The following FOXR1 variants were observed in gnomAD, a reference collection of about 807,000 sequenced individuals.
The protein encoded by FOXR1 is forkhead box protein R1.
Under a neutral mutation model 34.5 loss-of-function variants are expected in FOXR1, and 25 were observed. That is an observed-to-expected ratio of 0.72 (90% CI 0.53 to 1.01). The LOEUF (loss-of-function observed/expected upper bound fraction) is 1.01, where lower values mean the gene tolerates loss of function less well. Ranked by LOEUF, FOXR1 falls within the 50% of genes least tolerant of loss-of-function variation. FOXR1 has a pLI of 0.00. For synonymous variants in FOXR1, 153 were observed against 141.6 expected (o/e 1.08, Z -0.57); for missense variants, 373 against 376.2 (o/e 0.99, Z 0.07).
At chr11:118,973,290 C>T (rs952123998) in intron 1 of FOXR1, among the ~76,000 whole-genome samples, 17 of 152,014 alleles carry the variant, frequency 1.1e-4, no homozygotes, top group African/African-American at 3.6e-4. Context: ...ACAGATAATC[C>T]ACAGAAGTAT....
In FOXR1 at chr11:118,980,641, G is replaced by C. The variant is rs782102014; in HGVS notation, c.763G>C (p.Glu255Gln). 1.2e-6 allele frequency: 2 copies of C among 1,614,028 alleles called. No individual in the cohort carries two copies. Among genetic ancestry groups the C allele is most frequent in the South Asian group, 2.2e-5 (2 of 91,094 alleles). The change falls in exon 5 of 6, where the codon GAG becomes CAG. Residue 255 changes from glutamate (E) to glutamine (Q), a missense_variant. By Grantham distance (29) the Glu-to-Gln change is conservative (BLOSUM62 2). Transcript: ENST00000317011. Reference sequence around the variant, plus strand: ...TCGATCTTGCCTCTGGAAGTTGACCGAGGAGGGACACCGCCGCTTTGCGGA... The same window carrying C: ...TCGATCTTGCCTCTGGAAGTTGACCCAGGAGGGACACCGCCGCTTTGCGGA... ...RPRSCLWKLT[E>Q]EGHRRFAEEA... is the part of the protein sequence containing the mutation.
At chr11:118,980,094 C>A in intron 4 of FOXR1, 1 of 449,496 alleles carries the variant, frequency 2.2e-6, no homozygotes, top group Non-Finnish European at 4.3e-6. Flanking sequence ...TTCCATTTAG[C>A]TCAGATAGTC....
chr11:118,979,164 C>T lies in FOXR1; in HGVS notation c.344C>T (p.Pro115Leu), dbSNP rs572984762. The T allele has an allele frequency of 2.6e-6, 4 of 1,552,024 alleles. No individual in the cohort carries two copies. Among genetic ancestry groups the T allele is most frequent in the African/African-American group, 1.4e-5 (1 of 72,668 alleles). The change falls in exon 3 of 6, where the codon CCC becomes CTC. Residue 115 changes from proline (P) to leucine (L), a missense_variant. Physicochemically the swap from Pro to Leu is moderately conservative, Grantham distance 98. Coordinates refer to ENST00000317011, the MANE Select transcript of FOXR1 (RefSeq NM_181721.3). ...TCCCAGTCCTCCAGCAAGCGGTCTC[C>T]CCCTCGGAAGCGGTTTGCCTTTTCC... Reference protein sequence around the residue: ...SLSQSSSKRSPPRKRFAFSPS... With the variant: ...SLSQSSSKRSLPRKRFAFSPS...
intron 1 of FOXR1, among the ~76,000 whole-genome samples, chr11:118,977,382 T>G (rs1286581646): frequency 6.6e-6 from 1 of 152,182 alleles, no homozygotes; most frequent in Non-Finnish European, 1.5e-5. Flanking sequence ...CAGATTCATT[T>G]TGAGGGTAAC....
chr11:118,975,874 G>A (rs2134481624), intron 1 of FOXR1, among the ~76,000 whole-genome samples: 1 of 152,242 alleles, frequency 6.6e-6, no homozygotes, highest in South Asian at 2.1e-4. Flanking sequence ...TAACTAACTT[G>A]AATCCCATGG....
At chr11:118,979,417 C>T in intron 3 of FOXR1, 25 bp from the exon 4 acceptor site, 1 of 1,563,416 alleles carries the variant, frequency 6.4e-7, no homozygotes, top group Non-Finnish European at 8.7e-7. Context: ...GAGTCAGGAC[C>T]AGTTCCTACT....
chr11:118,980,612 G>A lies in FOXR1; in HGVS notation c.734G>A (p.Arg245Gln), dbSNP rs782579864. ...AGCATGCAGGGCGGGGCCAGCACACGGCCTCGATCTTGCCTCTGGAAGTTG... is the reference window on the plus strand; with the variant it reads ...AGCATGCAGGGCGGGGCCAGCACACAGCCTCGATCTTGCCTCTGGAAGTTG... ...PVSMQGGAST[R>Q]PRSCLWKLTE... is the part of the protein sequence containing the mutation. The change falls in exon 5 of 6, where the codon CGG becomes CAG. Residue 245 changes from arginine (R) to glutamine (Q), a missense_variant. Transcript: ENST00000317011. 15 of 1,614,230 alleles carry A rather than the reference G, an allele frequency of 9.3e-6. No individual in the cohort carries two copies. The highest frequency in any genetic ancestry group is 1.2e-5 in the Non-Finnish European group (14 of 1,180,046).
At chr11:118,978,037 T>G (rs1486473973) in intron 1 of FOXR1, among the ~76,000 whole-genome samples, 1 of 151,986 alleles carries the variant, frequency 6.6e-6, no homozygotes, top group Non-Finnish European at 1.5e-5. Context: ...GCCAATATGG[T>G]GAAACCACGT....
chr11:118,980,143 C>T (rs1941836142), intron 4 of FOXR1: 3 of 520,456 alleles, frequency 5.8e-6, no homozygotes, highest in African/African-American at 3.8e-5. Flanking sequence ...TTCTTGGGCC[C>T]TTTCCCAGTG....
chr11:118,977,182 C>T (rs1439661105), intron 1 of FOXR1, among the ~76,000 whole-genome samples: 1 of 152,032 alleles, frequency 6.6e-6, no homozygotes, highest in Non-Finnish European at 1.5e-5. Context: ...AGGTACACAC[C>T]ACCAAGCCCG....
chr11:118,976,411 A>G (rs1275682489), intron 1 of FOXR1, among the ~76,000 whole-genome samples: 1 of 152,314 alleles, frequency 6.6e-6, no homozygotes, highest in African/African-American at 2.4e-5. Flanking sequence ...CATGTTGCCC[A>G]GGCTGATTTC....
rs200679607 is a variant in FOXR1 at position 118,979,201 on chromosome 11, G to C, written c.381G>C (p.Trp127Cys). The change falls in exon 3 of 6, where the codon TGG (tryptophan) becomes TGC (cysteine). Residue 127 changes from tryptophan to cysteine, a missense_variant. Trp to Cys is a radical substitution (Grantham distance 215). Transcript: ENST00000317011. The stretch of plus-strand genomic sequence containing the variant: ...GGTTTGCCTTTTCCCCCAGCACCTG[G>C]GAGGTATGCATTTTTGGGGATGGGA... The part of the protein sequence containing the change: ...RKRFAFSPST[W>C]ELTEEEEAED... The C allele has an allele frequency of 4.9e-5, 74 of 1,521,780 alleles. No homozygotes were observed. In the African/African-American group the frequency reaches 9.0e-4, roughly 19 times the overall value. The allele number at this position is 1,521,780 out of a possible 1,614,324, so 94.3% of individuals were successfully genotyped here.
chr11:118,979,169 C>G lies in FOXR1; in HGVS notation c.349C>G (p.Arg117Gly). ...GTCCTCCAGCAAGCGGTCTCCCCCT[C>G]GGAAGCGGTTTGCCTTTTCCCCCAG... is the stretch of plus-strand genomic sequence containing the variant. ...SQSSSKRSPP[R>G]KRFAFSPSTW... Residue 117 changes from arginine (R) to glycine (G), a missense_variant, in exon 3 of 6, where the codon CGG (arginine) becomes GGG (glycine). Coordinates refer to ENST00000317011, the MANE Select transcript of FOXR1 (RefSeq NM_181721.3). 1 of 1,543,858 alleles carries G rather than the reference C, an allele frequency of 6.5e-7. No individual in the cohort carries two copies. The highest frequency in any genetic ancestry group is 8.7e-7 in the Non-Finnish European group (1 of 1,149,008).
intron 1 of FOXR1, among the ~76,000 whole-genome samples, chr11:118,975,722 T>A (rs1941772028): frequency 6.6e-6 from 1 of 152,130 alleles, no homozygotes; most frequent in Non-Finnish European, 1.5e-5. Context: ...TGGAACAACA[T>A]CCTTGAAAAA....
At chr11:118,978,476 T>C (rs1458709640) in intron 1 of FOXR1, among the ~76,000 whole-genome samples, 7 of 152,224 alleles carry the variant, frequency 4.6e-5, no homozygotes, top group Non-Finnish European at 2.9e-5. Context: ...CCTTAAGGGC[T>C]AGCACAGAAT....
At chr11:118,978,725 G>C (rs1941807965) in intron 1 of FOXR1, 57 bp from the exon 2 acceptor site, 17 of 1,590,276 alleles carry the variant, frequency 1.1e-5, no homozygotes, top group Non-Finnish European at 1.5e-5. Flanking sequence ...TAGGATCCTA[G>C]GGTCACAAAG....
intron 1 of FOXR1, 148 bp downstream of exon 1, chr11:118,972,140 C>CG (rs1378600507): frequency 2.9e-6 from 2 of 696,548 alleles, no homozygotes; most frequent in Non-Finnish European, 4.6e-6. Context: ...CCCCCCCCCC[C>CG]CGACGGCTTA....
intron 1 of FOXR1, among the ~76,000 whole-genome samples, chr11:118,976,214 GAA>G (rs374727617): frequency 0.45 from 68,146 of 151,990 alleles, 15,839 homozygotes; most frequent in Admixed American, 0.57. Context: ...TTTTGTTTTT[GAA>G]GCAAGGTCTG....
At chr11:118,976,404 G>T (rs1446112079) in intron 1 of FOXR1, among the ~76,000 whole-genome samples, 2 of 152,148 alleles carry the variant, frequency 1.3e-5, no homozygotes, top group African/African-American at 4.8e-5. Flanking sequence ...GTTTCACCAT[G>T]TTGCCCAGGC....
Sources: allele counts gnomAD v4.1 joint callset (sites outside exome capture counted in the v4.1 genomes callset), GRCh38; gene constraint gnomAD v4.1.1; transcripts MANE v1.5; gene names NCBI Gene and HGNC (gene_info 2026-07-23, HGNC 2026-07-21).